The following KRT33A variants were observed in gnomAD, a reference collection of about 807,000 sequenced individuals.
The protein encoded by KRT33A is keratin, type I cuticular Ha3-I.
KRT33A carries 44 observed loss-of-function variants against 41.1 expected under a neutral mutation model. The ratio of observed to expected loss-of-function variants is 1.07; its 90% CI spans 0.84 to 1.38. The LOEUF (loss-of-function observed/expected upper bound fraction) is 1.38. Among genes scored for constraint, KRT33A ranks in the 40% most tolerant of loss-of-function variants. The pLI is 0.00. For synonymous variants in KRT33A, 229 were observed against 227.8 expected (o/e 1.01, Z -0.05); for missense variants, 536 against 518.5 (o/e 1.03, Z -0.33).
chr17:41,347,292 C>T (rs2017441009), intron 3 of KRT33A, 70 bp from the exon 4 acceptor site: 2 of 1,489,454 alleles, frequency 1.3e-6, no homozygotes, highest in South Asian at 1.4e-5. Flanking sequence ...GAATGCAATT[C>T]AACTTCTGAT....
In KRT33A at chr17:41,346,521, G is replaced by T. The variant is rs1334062387; in HGVS notation, c.1024C>A (p.Leu342Met). Residue 342 changes from leucine to methionine, a missense_variant, in exon 6 of 7, where the codon CTG (leucine) becomes ATG (methionine). Leu to Met is a conservative substitution (Grantham distance 15). Transcript: ENST00000007735. ...LERQNQEYQV[L>M]LDVRARLECE... Reference sequence around the variant, plus strand: ...TCCAGCCGCGCCCGCACGTCCAGCAGCACCTGATACTCCTGGTTCTGCCGC... The same window carrying T: ...TCCAGCCGCGCCCGCACGTCCAGCATCACCTGATACTCCTGGTTCTGCCGC... 1.9e-6 allele frequency: 3 copies of T among 1,614,192 alleles called. No homozygotes were observed. Among genetic ancestry groups the T allele is most frequent in the Non-Finnish European group, 1.7e-6 (2 of 1,180,030 alleles).
At position 41,350,410 on chromosome 17, in the gene KRT33A, C is replaced by T. The variant is rs764952730; in HGVS notation, c.348+10G>A. 6.3e-5 allele frequency: 101 copies of T among 1,611,294 alleles called. No individual in the cohort carries two copies. Among genetic ancestry groups the T allele is most frequent in the Non-Finnish European group, 8.3e-5 (98 of 1,177,880 alleles). ...TTCCTACTGGAGGCACTGTGTCGCC[C>T]ACTCCTCACCTTCTGCTGGAGCTCC... On this transcript the variant is annotated intron_variant, in intron 1 of 6. Transcript: ENST00000007735.
chr17:41,348,779 C>G (rs772599461), intron 2 of KRT33A, 140 bp from the exon 3 acceptor site: 2 of 875,430 alleles, frequency 2.3e-6, no homozygotes, highest in Non-Finnish European at 3.5e-6. Flanking sequence ...TTTTCAGCAT[C>G]GAGCTGGAAG....
chr17:41,348,369 G>A, intron 3 of KRT33A, 114 bp downstream of exon 3: 4 of 1,064,436 alleles, frequency 3.8e-6, no homozygotes, highest in Non-Finnish European at 1.4e-6. Context: ...CTTTTTGTAT[G>A]CAGAATTACT....
At chr17:41,350,389 T>C (rs762839665) in intron 1 of KRT33A, 31 bp downstream of exon 1, 4 of 1,603,176 alleles carry the variant, frequency 2.5e-6, no homozygotes, top group Non-Finnish European at 3.4e-6. Context: ...GACAACTTCC[T>C]ACTGGAGGCA....
chr17:41,346,501 C>T lies in KRT33A; in HGVS notation c.1044G>A (p.Arg348=). 1 of 1,614,088 alleles carries T rather than the reference C, an allele frequency of 6.2e-7. No homozygotes were observed. The highest frequency in any genetic ancestry group is 8.5e-7 in the Non-Finnish European group (1 of 1,180,006). ...EYQVLLDVRA[R]LECEINTYRS... ...GGTACGTGTTGATCTCACACTCCAG[C>T]CGCGCCCGCACGTCCAGCAGCACCT... Residue 348 remains arginine, a synonymous_variant, in exon 6 of 7, where the codon CGG becomes CGA. Coordinates refer to ENST00000007735, the MANE Select transcript of KRT33A (RefSeq NM_004138.4).
chr17:41,349,496 T>C lies in KRT33A; in HGVS notation c.349-68A>G, dbSNP rs1300781998. On this transcript the variant is annotated intron_variant, in intron 1 of 6. Coordinates refer to ENST00000007735, the MANE Select transcript of KRT33A (RefSeq NM_004138.4). ...ATTTTTCACCAATGGCAGTCCTTCC[T>C]AATTCACTTCCTTGGAAGGATCAGG... 9 of 1,498,896 alleles carry C rather than the reference T, an allele frequency of 6.0e-6. No homozygotes were observed. The East Asian group carries it at 2.0e-4, about 34-fold the overall frequency. The allele number at this position is 1,498,896 out of a possible 1,614,324, so 92.8% of individuals were successfully genotyped here.
chr17:41,350,684 G>A lies in KRT33A; in HGVS notation c.84C>T (p.Gly28=), dbSNP rs2017496474. The A allele has an allele frequency of 3.1e-6, 5 of 1,612,102 alleles. No homozygotes were observed. Among genetic ancestry groups the A allele is most frequent in the African/African-American group, 1.4e-5 (1 of 73,848 alleles). Residue 28 remains glycine (G), a synonymous_variant, in exon 1 of 7, where the codon GGC becomes GGT. Transcript: ENST00000007735. The part of the protein sequence containing the change: ...SRPCVPPSCH[G]CTLPGACNIP... ...TGTTGCAGGCCCCGGGCAGGGTGCA[G>A]CCGTGGCAGCTGGGGGGCACACAGG...
Position 41,349,342 on chromosome 17 carries a change from T to A in KRT33A, c.431+4A>T, listed in dbSNP as rs2017470737. ...AAACAGCAACACCCCGCTTGCCCAC[T>A]CACTTGGTCCTGAAGTCATCTGAGG... On this transcript the variant is annotated splice_donor_region_variant and intron_variant, in intron 2 of 6. Coordinates refer to ENST00000007735, the MANE Select transcript of KRT33A (RefSeq NM_004138.4). The A allele has an allele frequency of 1.2e-6, 2 of 1,613,668 alleles. No homozygotes were observed. Among genetic ancestry groups the A allele is most frequent in the East Asian group, 4.5e-5 (2 of 44,856 alleles).
intron 3 of KRT33A, 33 bp downstream of exon 3, chr17:41,348,450 T>C: frequency 1.9e-6 from 3 of 1,612,652 alleles, no homozygotes; most frequent in Non-Finnish European, 2.5e-6. Flanking sequence ...AGGTCCTGGC[T>C]AGTCTGAGCC....
At position 41,346,900 on chromosome 17, in the gene KRT33A, C is replaced by T. The variant is rs199890445; in HGVS notation, c.820G>A (p.Glu274Lys). ...AGGGCATTGACCGTGCGTCTCAGCT[C>T]GATGATCTCCGCCTGGTAGGACTGC... ...QLQSYQAEII[E>K]LRRTVNALEI... The change falls in exon 5 of 7, where the codon GAG (glutamate) becomes AAG (lysine). Residue 274 changes from glutamate (E) to lysine (K), a missense_variant. By Grantham distance (56) the Glu-to-Lys change is moderately conservative. Coordinates refer to ENST00000007735, the MANE Select transcript of KRT33A (RefSeq NM_004138.4). 2.4e-5 allele frequency: 38 copies of T among 1,613,104 alleles called. No individual in the cohort carries two copies. Among genetic ancestry groups the T allele is most frequent in the Non-Finnish European group, 3.1e-5 (36 of 1,180,044 alleles).
chr17:41,350,534 C>A lies in KRT33A; in HGVS notation c.234G>T (p.Glu78Asp), dbSNP rs972114759. The A allele has an allele frequency of 6.2e-7, 1 of 1,614,032 alleles. No individual in the cohort carries two copies. The highest frequency in any genetic ancestry group is 1.3e-5 in the African/African-American group (1 of 74,888). ...GGTTCTCCAGCTCCGCGTTGTCCCG[C>A]TCCAGCTGACGCACCTTCTCCAGGT... The part of the protein sequence containing the change: ...ASYLEKVRQL[E>D]RDNAELENLI... The change falls in exon 1 of 7, where the codon GAG becomes GAT. Residue 78 changes from glutamate (E) to aspartate (D), a missense_variant. Coordinates refer to ENST00000007735, the MANE Select transcript of KRT33A (RefSeq NM_004138.4).
At chr17:41,348,661 G>T (rs751558502) in intron 2 of KRT33A, 22 bp from the exon 3 acceptor site, 1 of 1,613,400 alleles carries the variant, frequency 6.2e-7, no homozygotes, top group Admixed American at 1.7e-5. Context: ...GGAGGGTCAG[G>T]AACAGGCTGG....
In KRT33A at chr17:41,347,879, G is replaced by A. The variant is rs920310045; in HGVS notation, c.588+604C>T. ...TCATCTTAACATGAGAACTGCCTCC[G>A]GAGTTAAAGCACTTAGCACAATGTT... On this transcript the variant is annotated intron_variant, in intron 3 of 6. Coordinates refer to ENST00000007735, the MANE Select transcript of KRT33A (RefSeq NM_004138.4). Among the ~76,000 whole-genome samples, 80 of 152,160 alleles carry A rather than the reference G, an allele frequency of 5.3e-4. 1 individual carries two copies. Among genetic ancestry groups the A allele is most frequent in the Non-Finnish European group, 1.5e-4 (10 of 68,024 alleles).
Position 41,350,701 on chromosome 17 carries a change from G to T in KRT33A, c.67C>A (p.Pro23Thr), listed in dbSNP as rs772542982. The change falls in exon 1 of 7, where the codon CCC becomes ACC. Residue 23 changes from proline (P) to threonine (T), a missense_variant. Coordinates refer to ENST00000007735, the MANE Select transcript of KRT33A (RefSeq NM_004138.4). ...RTSCSSRPCV[P>T]PSCHGCTLPG... The stretch of plus-strand genomic sequence containing the variant: ...AGGGTGCAGCCGTGGCAGCTGGGGG[G>T]CACACAGGGCCGGGAGGAGCAGCTG... 3 of 1,612,240 alleles carry T rather than the reference G, an allele frequency of 1.9e-6. No individual in the cohort carries two copies. Among genetic ancestry groups the T allele is most frequent in the South Asian group, 2.2e-5 (2 of 91,040 alleles).
At chr17:41,350,320 G>A in intron 1 of KRT33A, 100 bp downstream of exon 1, 6 of 1,410,554 alleles carry the variant, frequency 4.3e-6, no homozygotes, top group Non-Finnish European at 5.8e-6. Context: ...CCAGTTTTCA[G>A]CTTTTCATTC....
In KRT33A at chr17:41,348,492, G is replaced by T. The variant is rs771388939; in HGVS notation, c.579C>A (p.Asn193Lys). Reference sequence around the variant, plus strand: ...TCTTCAGGGAACTCACCTGCTCATGGTTCTGCTTGAGGCACAGCAGCTCCT... The same window carrying T: ...TCTTCAGGGAACTCACCTGCTCATGTTTCTGCTTGAGGCACAGCAGCTCCT... ...LKEELLCLKQ[N>K]HEQEVNTLRC... is the part of the protein sequence containing the mutation. The change falls in exon 3 of 7, where the codon AAC (asparagine) becomes AAA (lysine). Residue 193 changes from asparagine (N) to lysine (K), a missense_variant. Transcript: ENST00000007735. The T allele has an allele frequency of 2.9e-5, 47 of 1,613,876 alleles. 1 individual carries two copies. In the South Asian group the frequency reaches 4.1e-4, roughly 14 times the overall value.
rs148387911 is a variant in KRT33A at position 41,346,227 on chromosome 17, G to T, written c.1107C>A (p.Ser369=). 24 of 1,613,970 alleles carry T rather than the reference G, an allele frequency of 1.5e-5. No individual in the cohort carries two copies. In the African/African-American group the frequency reaches 2.4e-4, roughly 16 times the overall value. The change falls in exon 7 of 7, where the codon TCC becomes TCA. Residue 369 remains serine, a synonymous_variant. Coordinates refer to ENST00000007735, the MANE Select transcript of KRT33A (RefSeq NM_004138.4). ...LLESEDCKLP[S]NPCATTNACD... Reference sequence around the variant, plus strand: ...ATGCATTGGTTGTGGCGCAGGGGTTGGAGGGGAGCCTGTGGGCAGAAAATC... The same window carrying T: ...ATGCATTGGTTGTGGCGCAGGGGTTTGAGGGGAGCCTGTGGGCAGAAAATC...
intron 2 of KRT33A, among the ~76,000 whole-genome samples, chr17:41,348,874 T>C (rs953577537): frequency 6.6e-6 from 1 of 151,980 alleles, no homozygotes; most frequent in Admixed American, 6.6e-5. Context: ...GGGGAGAGGG[T>C]TGCTTGAGCC....
Sources: gnomAD v4.1 joint callset for allele counts (sites outside exome capture counted in the v4.1 genomes callset) on GRCh38, gnomAD v4.1.1 for gene constraint, MANE v1.5 for transcripts, NCBI Gene and HGNC (gene_info 2026-07-23, HGNC 2026-07-21) for gene names.